Variants in CNOT1 observed in about 807,000 individuals in gnomAD.
CNOT1 encodes CCR4-NOT transcription complex subunit 1, also known as CCR4-associated factor 1.
Under a neutral mutation model 273.8 loss-of-function variants are expected in CNOT1, and 15 were observed. The ratio of observed to expected loss-of-function variants is 0.05; its 90% CI spans 0.04 to 0.08. The LOEUF (loss-of-function observed/expected upper bound fraction) is 0.08, where lower values mean the gene tolerates loss of function less well. Among genes scored for constraint, CNOT1 ranks in the 10% least tolerant of loss-of-function variants. The pLI is 1.00. For synonymous variants in CNOT1, 1,022 were observed against 1,005.5 expected (o/e 1.02, Z -0.31); for missense variants, 1,644 against 2,912.2 (o/e 0.56, Z 10.02).
chr16:58,562,972 T>G (rs1382825902), intron 16 of CNOT1, among the ~76,000 whole-genome samples: 1 of 152,174 alleles, frequency 6.6e-6, no homozygotes, highest in Non-Finnish European at 1.5e-5. Flanking sequence ...AAAATAAGAC[T>G]AGGGTGCTAA....
intron 35 of CNOT1, 150 bp from the exon 36 acceptor site, chr16:58,539,064 T>C: frequency 1.7e-6 from 2 of 1,205,192 alleles, no homozygotes; most frequent in East Asian, 5.2e-5. Context: ...TTCAGTTGCC[T>C]ATCACACACA....
At chr16:58,571,429 G>A (rs28394663) in intron 16 of CNOT1, among the ~76,000 whole-genome samples, 5,011 of 151,988 alleles carry the variant, frequency 0.033, 262 homozygotes, top group African/African-American at 0.11. Context: ...AAATGGTGGC[G>A]CACGCCTGTA....
intron 39 of CNOT1, among the ~76,000 whole-genome samples, chr16:58,534,976 T>C (rs918947595): frequency 6.6e-6 from 1 of 152,168 alleles, no homozygotes; most frequent in Non-Finnish European, 1.5e-5. Context: ...TAAGTTAAAA[T>C]AATGTGGGAA....
intron 1 of CNOT1, among the ~76,000 whole-genome samples, chr16:58,610,657 C>T (rs2042864121): frequency 6.6e-6 from 1 of 152,086 alleles, no homozygotes; most frequent in Admixed American, 6.6e-5. Context: ...TCCTGGCTAA[C>T]ACAGTGAAAC....
chr16:58,594,501 T>C (rs141899790), intron 2 of CNOT1, among the ~76,000 whole-genome samples: 140 of 152,082 alleles, frequency 9.2e-4, no homozygotes, highest in African/African-American at 3.2e-3. Flanking sequence ...CCAAATTATA[T>C]ATTTTAAAAG....
intron 46 of CNOT1, 56 bp downstream of exon 46, chr16:58,525,123 G>T: frequency 2.0e-6 from 3 of 1,527,266 alleles, no homozygotes; most frequent in South Asian, 1.1e-5. Context: ...TTTGTGATCA[G>T]ATTGTAGCAA....
intron 1 of CNOT1, among the ~76,000 whole-genome samples, chr16:58,601,374 GGCGTGAGCCACT>G (rs1379710521): frequency 6.6e-6 from 1 of 152,160 alleles, no homozygotes; most frequent in African/African-American, 2.4e-5. Flanking sequence ...TGGGATTACA[GGCGTGAGCCACT>G]GCGTCCAGCC....
chr16:58,577,376 G>A (rs2041492992), intron 13 of CNOT1, among the ~76,000 whole-genome samples: 1 of 152,120 alleles, frequency 6.6e-6, no homozygotes. Context: ...TTGGTTAAAT[G>A]TTTATCATGC....
At chr16:58,526,945 G>T (rs1453980066) in intron 44 of CNOT1, among the ~76,000 whole-genome samples, 1 of 151,732 alleles carries the variant, frequency 6.6e-6, no homozygotes, top group Non-Finnish European at 1.5e-5. Context: ...GCAGGAGGAC[G>T]GCTTGAGCAC....
At chr16:58,619,565 C>A (rs890575911) in intron 1 of CNOT1, among the ~76,000 whole-genome samples, 33 of 151,934 alleles carry the variant, frequency 2.2e-4, no homozygotes, top group Admixed American at 3.3e-4. Flanking sequence ...GTAGCTGGGA[C>A]TAGCCGCCCG....
In CNOT1 at chr16:58,586,542, T is replaced by C. The variant is rs372490398; in HGVS notation, c.637+3A>G. 121 of 1,608,578 alleles carry C rather than the reference T, an allele frequency of 7.5e-5. No individual in the cohort carries two copies. The Admixed American group carries it at 1.4e-3, about 19-fold the overall frequency. ...CCACTGTAGGCTACAAAGACTCCCT[T>C]ACCTCTGCGCAGCGTCTTAAGAAAA... On this transcript the variant is annotated splice_donor_region_variant and intron_variant, in intron 7 of 48. Coordinates refer to ENST00000317147, the MANE Select transcript of CNOT1 (RefSeq NM_016284.5).
chr16:58,538,031 A>C lies in CNOT1; in HGVS notation c.5274T>G (p.Ala1758=), dbSNP rs1268854332. The change falls in exon 38 of 49, where the codon GCT becomes GCG. Residue 1758 remains alanine (A), a synonymous_variant. Coordinates refer to ENST00000317147, the MANE Select transcript of CNOT1 (RefSeq NM_016284.5). ...QSMENGLNYM[A]VAFAMQLVKI... is the part of the protein sequence containing the mutation. ...TTACTAACTGCATAGCAAATGCCAC[A>C]GCCATGTAGTTTAAGCCATTCTCCA... 4 of 1,614,218 alleles carry C rather than the reference A, an allele frequency of 2.5e-6. No individual in the cohort carries two copies. Among genetic ancestry groups the C allele is most frequent in the Non-Finnish European group, 3.4e-6 (4 of 1,180,048 alleles).
At position 58,534,271 on chromosome 16, in the gene CNOT1, T is replaced by C. The variant is rs773697818; in HGVS notation, c.5771A>G (p.Asn1924Ser). Residue 1924 changes from asparagine to serine, a missense_variant, in exon 40 of 49, where the codon AAT becomes AGT. Coordinates refer to ENST00000317147, the MANE Select transcript of CNOT1 (RefSeq NM_016284.5). ...QAEQQHNPAANPTMIRAKCYH... is the reference protein window; with the variant it reads ...QAEQQHNPAASPTMIRAKCYH... Reference sequence around the variant, plus strand: ...GCACTTGGCTCGGATCATGGTGGGATTGGCAGCAGGATTGTGCTGCTGCTC... The same window carrying C: ...GCACTTGGCTCGGATCATGGTGGGACTGGCAGCAGGATTGTGCTGCTGCTC... 9 of 1,614,014 alleles carry C rather than the reference T, an allele frequency of 5.6e-6. No individual in the cohort carries two copies. Among genetic ancestry groups the C allele is most frequent in the East Asian group, 2.2e-5 (1 of 44,886 alleles).
rs2039335776 is a variant in CNOT1 at position 58,520,553 on chromosome 16, T to G, written c.*405A>C. 2 of 186,286 alleles carry G rather than the reference T, an allele frequency of 1.1e-5. No individual in the cohort carries two copies. Among genetic ancestry groups the G allele is most frequent in the Middle Eastern group, 2.3e-3 (1 of 430 alleles). 11.5% of individuals were successfully genotyped at this position (186,286 alleles called of 1,614,324 possible). On this transcript the variant is annotated 3_prime_UTR_variant, in exon 49 of 49. Transcript: ENST00000317147. ...TTCAAACTGGCTTTTTGCTATTCTTTGGGACACCAGGAATGTCAGAAGACA... is the reference window on the plus strand; with the variant it reads ...TTCAAACTGGCTTTTTGCTATTCTTGGGGACACCAGGAATGTCAGAAGACA...
intron 40 of CNOT1, 118 bp downstream of exon 40, chr16:58,534,029 C>T (rs1267349671): frequency 1.7e-6 from 2 of 1,157,872 alleles, no homozygotes; most frequent in Admixed American, 4.5e-5. Flanking sequence ...GGCACTCCAG[C>T]CTGGGTGACA....
rs187531774 is a variant in CNOT1 at position 58,601,155 on chromosome 16, C to T, written c.-174-1644G>A. On this transcript the variant is annotated intron_variant, in intron 1 of 48. Transcript: ENST00000317147. ...GTTTTTAGTAAAGAAGGGGTTTCGC[C>T]ATGTTGGCCTGGCTGGTCTTGAACT... 6.6e-5 allele frequency among the ~76,000 whole-genome samples: 10 copies of T among 152,312 alleles called. No homozygotes were observed. In the East Asian group the frequency reaches 1.5e-3, roughly 24 times the overall value.
At position 58,577,381 on chromosome 16, in the gene CNOT1, T is replaced by C. The variant is rs148634489; in HGVS notation, c.1585-799A>G. Among the ~76,000 whole-genome samples the C allele has an allele frequency of 2.6e-3, 397 of 152,308 alleles. 2 individuals are homozygous for C. Among genetic ancestry groups the C allele is most frequent in the African/African-American group, 9.0e-3 (374 of 41,578 alleles). ...CTGCAAATGCTTGGTTAAATGTTTA[T>C]CATGCATTTTGTAAACTGTTAAAGT... On this transcript the variant is annotated intron_variant, in intron 13 of 48. Coordinates refer to ENST00000317147, the MANE Select transcript of CNOT1 (RefSeq NM_016284.5).
intron 17 of CNOT1, chr16:58,560,009 CCT>C (rs2040775393): frequency 7.2e-7 from 1 of 1,393,004 alleles, no homozygotes; most frequent in African/African-American, 1.4e-5. Flanking sequence ...CTGTATATTT[CCT>C]CTTAGAGTCA....
At chr16:58,625,774 C>T (rs1597632423) in intron 1 of CNOT1, among the ~76,000 whole-genome samples, 1 of 150,694 alleles carries the variant, frequency 6.6e-6, no homozygotes, top group Non-Finnish European at 1.5e-5. Context: ...GAGAGACTGA[C>T]CTGAGACCAG....
Sources: gnomAD v4.1 joint callset for allele counts (sites outside exome capture counted in the v4.1 genomes callset) on GRCh38, gnomAD v4.1.1 for gene constraint, MANE v1.5 for transcripts, NCBI Gene and HGNC (gene_info 2026-07-23, HGNC 2026-07-21) for gene names.